Variants in MDH2 observed in about 807,000 individuals in gnomAD.
The protein encoded by MDH2 is malate dehydrogenase, mitochondrial.
In MDH2, 25 loss-of-function variants were observed where a neutral mutation model predicts 33.6. The observed-to-expected ratio is 0.74, with a 90% confidence interval of 0.54 to 1.04. The LOEUF is 1.04. Ranked by LOEUF, MDH2 falls within the 50% of genes least tolerant of loss-of-function variation. The pLI is 0.00. For missense variants in MDH2, 432 were observed against 445.0 expected, an observed-to-expected ratio of 0.97 and a Z score of 0.26; for synonymous variants, 193 against 188.7, an observed-to-expected ratio of 1.02 and a Z score of -0.19.
At chr7:76,061,349 G>C (rs1554586966) in intron 5 of MDH2, among the ~76,000 whole-genome samples, 2 of 152,202 alleles carry the variant, frequency 1.3e-5, no homozygotes, top group Non-Finnish European at 2.9e-5. Context: ...ATGCCCCACT[G>C]TAACAGACAT....
chr7:76,061,721 G>A (rs898608486), intron 5 of MDH2, among the ~76,000 whole-genome samples: 4 of 151,822 alleles, frequency 2.6e-5, no homozygotes, highest in South Asian at 2.1e-4. Context: ...GCCGCAGTAC[G>A]GAAGTGGACA....
At chr7:76,062,766 A>G (rs1797989918) in intron 5 of MDH2, among the ~76,000 whole-genome samples, 1 of 152,190 alleles carries the variant, frequency 6.6e-6, no homozygotes. Context: ...CATTTAAAAA[A>G]CATAGATTGG....
intron 8 of MDH2, among the ~76,000 whole-genome samples, chr7:76,065,832 G>C (rs978837928): frequency 7.9e-5 from 12 of 152,222 alleles, no homozygotes; most frequent in Admixed American, 1.3e-4. Flanking sequence ...TCAGGTGACT[G>C]TGACAATGTT....
intron 1 of MDH2, among the ~76,000 whole-genome samples, chr7:76,049,578 G>A (rs925573776): frequency 7.9e-5 from 12 of 152,148 alleles, no homozygotes; most frequent in Non-Finnish European, 1.5e-4. Context: ...TGTGGGGGAG[G>A]GGCAGCCAAC....
intron 4 of MDH2, among the ~76,000 whole-genome samples, chr7:76,059,972 G>C (rs1340300335): frequency 6.6e-6 from 1 of 152,150 alleles, no homozygotes; most frequent in Admixed American, 6.6e-5. Context: ...ACCTGCCCAG[G>C]GTCATAGCAC....
chr7:76,066,177 G>A (rs2116707617), intron 8 of MDH2, 102 bp from the exon 9 acceptor site: 3 of 1,454,636 alleles, frequency 2.1e-6, no homozygotes, highest in Non-Finnish European at 2.8e-6. Context: ...ACCCGCATGT[G>A]TAGAGAGACT....
At position 76,058,833 on chromosome 7, in the gene MDH2, A is replaced by G. The variant is rs147567227; in HGVS notation, c.429+755A>G. Among the ~76,000 whole-genome samples, 600 of 152,314 alleles carry G rather than the reference A, an allele frequency of 3.9e-3. 2 individuals are homozygous for G. The highest frequency in any genetic ancestry group is 3.5e-3 in the Non-Finnish European group (241 of 68,026). ...CTCAACAGCTGATCTGATAACCAAA[A>G]TGGCTCCTAAGTGACTCAGGCAGGT... On this transcript the variant is annotated intron_variant, in intron 4 of 8. Transcript: ENST00000315758.
intron 4 of MDH2, 36 bp downstream of exon 4, chr7:76,058,114 C>T (rs1554586545): frequency 1.3e-6 from 2 of 1,579,298 alleles, no homozygotes; most frequent in Non-Finnish European, 1.7e-6. Flanking sequence ...GCAGCTATGG[C>T]AGGTGTTTAG....
intron 4 of MDH2, 56 bp downstream of exon 4, chr7:76,058,134 G>C (rs1226664121): frequency 6.7e-7 from 1 of 1,497,196 alleles, no homozygotes; most frequent in African/African-American, 1.4e-5. Context: ...GGTGCTGACA[G>C]TGCGTGAAAA....
rs1585411985 is a variant in MDH2, at chr7:76,063,523, T to C, written c.564T>C (p.Asp188=). 1 of 1,614,202 alleles carries C rather than the reference T, an allele frequency of 6.2e-7. No individual in the cohort carries two copies. The highest frequency in any genetic ancestry group is 1.3e-5 in the African/African-American group (1 of 75,054). ...CATACTTTGGTCACCAGGGTTTGGA[T>C]CCAGCTCGAGTCAACGTCCCTGTCA... ...NTFVAELKGL[D]PARVNVPVIG... is the part of the protein sequence containing the mutation. Residue 188 remains aspartate, a synonymous_variant, in exon 6 of 9, where the codon GAT becomes GAC. Coordinates refer to ENST00000315758, the MANE Select transcript of MDH2 (RefSeq NM_005918.4).
chr7:76,066,237 T>C (rs782303431), intron 8 of MDH2, 42 bp from the exon 9 acceptor site: 3 of 1,594,032 alleles, frequency 1.9e-6, no homozygotes, highest in Non-Finnish European at 1.7e-6. Context: ...TAACAAGCAC[T>C]TTCCTGGAAA....
intron 5 of MDH2, among the ~76,000 whole-genome samples, chr7:76,060,741 TTCTC>T (rs1432871155): frequency 1.3e-5 from 2 of 151,964 alleles, no homozygotes; most frequent in East Asian, 1.9e-4. Context: ...GCTGTCTTCC[TTCTC>T]GCCAAGAGCA....
chr7:76,049,280 A>C (rs1797508307), intron 1 of MDH2, among the ~76,000 whole-genome samples: 1 of 152,116 alleles, frequency 6.6e-6, no homozygotes, highest in African/African-American at 2.4e-5. Flanking sequence ...ATGGGTTCCC[A>C]CAGGCAACCC....
rs1554586426 is a variant in MDH2, at chr7:76,057,504, G to A, written c.319+11G>A. On this transcript the variant is annotated intron_variant, in intron 3 of 8. Transcript: ENST00000315758. Reference sequence around the variant, plus strand: ...TCCCCAGAAAGCCAGGTTTGTGTTTGAAAGCCTTGTCTGGTACCTCCCCAC... The same window carrying A: ...TCCCCAGAAAGCCAGGTTTGTGTTTAAAAGCCTTGTCTGGTACCTCCCCAC... The A allele has an allele frequency of 1.2e-6, 2 of 1,613,980 alleles. No homozygotes were observed. The highest frequency in any genetic ancestry group is 4.5e-5 in the East Asian group (2 of 44,882).
chr7:76,056,403 G>A (rs575537830), intron 2 of MDH2, among the ~76,000 whole-genome samples: 14 of 152,126 alleles, frequency 9.2e-5, no homozygotes, highest in African/African-American at 3.1e-4. Context: ...ATGCGATACC[G>A]TGTCTGATGG....
Position 76,064,954 on chromosome 7 carries a change from G to T in MDH2, c.885+1G>T. 6.2e-7 allele frequency: 1 copy of T among 1,614,116 alleles called. No individual in the cohort carries two copies. Among genetic ancestry groups the T allele is most frequent in the Non-Finnish European group, 8.5e-7 (1 of 1,180,000 alleles). On this transcript the variant is annotated splice_donor_variant, in intron 8 of 8. Coordinates refer to ENST00000315758, the MANE Select transcript of MDH2 (RefSeq NM_005918.4). LOFTEE classifies it high-confidence loss of function. ...CTTCTCCACACCGCTGCTGCTTGGG[G>T]TACGTATCCAGGCGTGGGTCCTTCT... is the stretch of plus-strand genomic sequence containing the variant.
chr7:76,049,900 C>T (rs1426596311), intron 1 of MDH2, among the ~76,000 whole-genome samples: 5 of 152,106 alleles, frequency 3.3e-5, no homozygotes, highest in African/African-American at 9.6e-5. Flanking sequence ...GGCGTGATCT[C>T]GGTTCACTGC....
chr7:76,066,626 T>C lies in MDH2; in HGVS notation c.*216T>C. ...TCCCTTCTGTAAATGCTGTGCTTTC[T>C]TCCCTGTGAGAGCCAACTTTAGAGT... On this transcript the variant is annotated 3_prime_UTR_variant, in exon 9 of 9. Coordinates refer to ENST00000315758, the MANE Select transcript of MDH2 (RefSeq NM_005918.4). The C allele has an allele frequency of 2.1e-6, 1 of 484,236 alleles. No homozygotes were observed. The highest frequency in any genetic ancestry group is 3.4e-6 in the Non-Finnish European group (1 of 291,142). 30.0% of individuals were successfully genotyped at this position (484,236 alleles called of 1,614,324 possible).
At chr7:76,049,281 C>T (rs1797508552) in intron 1 of MDH2, among the ~76,000 whole-genome samples, 2 of 152,172 alleles carry the variant, frequency 1.3e-5, no homozygotes, top group African/African-American at 4.8e-5. Context: ...TGGGTTCCCA[C>T]AGGCAACCCC....
Sources: allele counts gnomAD v4.1 joint callset (sites outside exome capture counted in the v4.1 genomes callset), GRCh38; gene constraint gnomAD v4.1.1; transcripts MANE v1.5; gene names NCBI Gene and HGNC (gene_info 2026-07-23, HGNC 2026-07-21).